Variants in TBC1D22A observed in about 807,000 individuals in gnomAD.
TBC1D22A encodes putative GTPase activator.
In TBC1D22A, 38 loss-of-function variants were observed where a neutral mutation model predicts 60.2. The observed-to-expected ratio is 0.63, with a 90% CI of 0.49 to 0.83. TBC1D22A has a LOEUF of 0.83. Ranked by LOEUF, TBC1D22A falls within the 40% of genes least tolerant of loss-of-function variation. The probability of loss-of-function intolerance (pLI) is 0.00; values close to 1 mark genes in which losing one functional copy is unlikely to be tolerated. For synonymous variants in TBC1D22A, 302 were observed against 281.7 expected (o/e 1.07, Z -0.72); for missense variants, 628 against 701.0 (o/e 0.90, Z 1.18).
chr22:46,854,173 G>C (rs971225369), intron 4 of TBC1D22A, among the ~76,000 whole-genome samples: 3 of 152,178 alleles, frequency 2.0e-5, no homozygotes, highest in African/African-American at 7.2e-5. Flanking sequence ...GGTGCCTACT[G>C]CACTGTCTTG....
At chr22:47,159,348 T>A (rs904370619) in intron 12 of TBC1D22A, among the ~76,000 whole-genome samples, 7 of 101,368 alleles carry the variant, frequency 6.9e-5, no homozygotes, top group Non-Finnish European at 2.0e-5. Context: ...CACCATGTAT[T>A]CACACAAAGC....
intron 11 of TBC1D22A, among the ~76,000 whole-genome samples, chr22:47,096,829 A>T (rs924669542): frequency 2.0e-5 from 3 of 152,208 alleles, no homozygotes; most frequent in African/African-American, 7.2e-5. Flanking sequence ...CTCAAAAAAA[A>T]TAAAAATAAA....
intron 8 of TBC1D22A, among the ~76,000 whole-genome samples, chr22:46,920,310 C>T (rs994357128): frequency 6.6e-6 from 1 of 152,120 alleles, no homozygotes. Flanking sequence ...AACTCCTGGA[C>T]TCAAGGAATT....
At chr22:47,109,378 C>G (rs1016625370) in intron 11 of TBC1D22A, among the ~76,000 whole-genome samples, 6 of 152,208 alleles carry the variant, frequency 3.9e-5, no homozygotes, top group Admixed American at 6.5e-5. Context: ...TCGAACAACG[C>G]TGTTGATGAA....
At chr22:46,789,742 G>T (rs1216208185) in intron 1 of TBC1D22A, among the ~76,000 whole-genome samples, 1 of 152,300 alleles carries the variant, frequency 6.6e-6, no homozygotes, top group Non-Finnish European at 1.5e-5. Context: ...TGGGTGAAAG[G>T]AGAGGTTACT....
chr22:46,933,005 G>A (rs2071444208), intron 8 of TBC1D22A, among the ~76,000 whole-genome samples: 1 of 152,174 alleles, frequency 6.6e-6, no homozygotes. Context: ...TGACAGGCGT[G>A]AGCCACTGTG....
chr22:46,861,634 T>G (rs1206131738), intron 4 of TBC1D22A, among the ~76,000 whole-genome samples: 1 of 152,242 alleles, frequency 6.6e-6, no homozygotes, highest in Non-Finnish European at 1.5e-5. Flanking sequence ...CATGTTCTAC[T>G]GGCCAGAATT....
intron 10 of TBC1D22A, among the ~76,000 whole-genome samples, chr22:47,022,760 C>T (rs1018710381): frequency 3.9e-5 from 6 of 152,106 alleles, no homozygotes; most frequent in Admixed American, 1.3e-4. Context: ...TAGAAGTCCC[C>T]GGCATCAGGT....
At chr22:46,899,462 T>A (rs1428632544) in intron 7 of TBC1D22A, among the ~76,000 whole-genome samples, 2 of 144,566 alleles carry the variant, frequency 1.4e-5, no homozygotes, top group East Asian at 2.0e-4. Context: ...AAAAAAAAAA[T>A]TTGTCTTGTG....
rs553785871 is a variant in TBC1D22A at position 46,997,595 on chromosome 22, T to C, written c.1126-39T>C. The stretch of plus-strand genomic sequence containing the variant: ...TTCCCTTTTGGAAAGTTTGTTTTAT[T>C]TTATATGCATATGATTCACATTATT... On this transcript the variant is annotated intron_variant, in intron 9 of 12. Transcript: ENST00000337137. 7 of 1,549,592 alleles carry C rather than the reference T, an allele frequency of 4.5e-6. No homozygotes were observed. In the South Asian group the frequency reaches 7.8e-5, roughly 17 times the overall value.
intron 12 of TBC1D22A, among the ~76,000 whole-genome samples, chr22:47,157,540 G>A (rs940467595): frequency 2.6e-5 from 4 of 152,218 alleles, no homozygotes; most frequent in Admixed American, 1.3e-4. Context: ...TACCCATTCT[G>A]CACCTGGCCT....
intron 11 of TBC1D22A, among the ~76,000 whole-genome samples, chr22:47,094,440 G>C (rs2065094835): frequency 6.6e-6 from 1 of 152,162 alleles, no homozygotes; most frequent in South Asian, 2.1e-4. Flanking sequence ...CAAGCAAGAA[G>C]GAATGCTGCC....
At position 46,778,904 on chromosome 22, in the gene TBC1D22A, C is replaced by T. The variant is rs985411185; in HGVS notation, c.63-13616C>T. ...ACTAAAAGTACAAAAATTAGCCGGG[C>T]GTGGTGGTGGGCACCTGTAATCCCA... On this transcript the variant is annotated intron_variant, in intron 1 of 12. Transcript: ENST00000337137. Among the ~76,000 whole-genome samples the T allele has an allele frequency of 2.0e-5, 3 of 151,974 alleles. No individual in the cohort carries two copies. The East Asian group carries it at 5.8e-4, about 29-fold the overall frequency.
intron 4 of TBC1D22A, among the ~76,000 whole-genome samples, chr22:46,824,867 C>A (rs1378336741): frequency 6.6e-6 from 1 of 151,990 alleles, no homozygotes; most frequent in African/African-American, 2.4e-5. Context: ...CGGAATTTGG[C>A]TTGGGACATG....
intron 7 of TBC1D22A, among the ~76,000 whole-genome samples, chr22:46,902,070 G>A (rs2069036609): frequency 1.3e-5 from 2 of 152,250 alleles, no homozygotes; most frequent in Admixed American, 1.3e-4. Flanking sequence ...GAGGCATGCG[G>A]GGTGTTTGTT....
chr22:46,859,135 C>T (rs1369699703), intron 4 of TBC1D22A, among the ~76,000 whole-genome samples: 119 of 115,356 alleles, frequency 1.0e-3, no homozygotes, highest in African/African-American at 4.5e-3. Flanking sequence ...GAGGTCCGCG[C>T]AGTGCCGTGC....
intron 1 of TBC1D22A, among the ~76,000 whole-genome samples, chr22:46,769,513 TG>T (rs1260204930): frequency 6.6e-6 from 1 of 151,716 alleles, no homozygotes; most frequent in Non-Finnish European, 1.5e-5. Flanking sequence ...CCTCACTGGG[TG>T]GAATGCTCAT....
intron 12 of TBC1D22A, among the ~76,000 whole-genome samples, chr22:47,148,977 G>T (rs531608210): frequency 6.6e-6 from 1 of 152,156 alleles, no homozygotes; most frequent in South Asian, 2.1e-4. Flanking sequence ...CCGGTTCTAG[G>T]GGGCCACGGC....
intron 11 of TBC1D22A, among the ~76,000 whole-genome samples, chr22:47,063,921 G>T (rs35606847): frequency 0.34 from 50,189 of 147,468 alleles, 9,418 homozygotes; most frequent in East Asian, 0.57. Flanking sequence ...GACACCCATC[G>T]TTGGATCAGG....
Sources: allele counts gnomAD v4.1 joint callset (sites outside exome capture counted in the v4.1 genomes callset), GRCh38; gene constraint gnomAD v4.1.1; transcripts MANE v1.5; gene names NCBI Gene and HGNC (gene_info 2026-07-23, HGNC 2026-07-21).